ADAMTS9: variants seen among roughly 807,000 people sequenced by gnomAD.
The protein encoded by ADAMTS9 is A disintegrin and metalloproteinase with thrombospondin motifs 9.
ADAMTS9 carries 107 observed loss-of-function variants against 257.1 expected under a neutral mutation model. That is an observed-to-expected ratio of 0.42 (90% confidence interval 0.36 to 0.49). The LOEUF (loss-of-function observed/expected upper bound fraction) is 0.49. Ranked by LOEUF, ADAMTS9 falls within the 20% of genes least tolerant of loss-of-function variation. The probability of loss-of-function intolerance (pLI) is 0.03; values close to 1 mark genes in which losing one functional copy is unlikely to be tolerated. For missense variants in ADAMTS9, 2,353 were observed against 2,469.1 expected (o/e 0.95, Z 1.00); for synonymous variants, 982 against 880.9 (o/e 1.11, Z -2.03).
chr3:64,614,045 T>A (rs2084715448), intron 21 of ADAMTS9, among the ~76,000 whole-genome samples: 1 of 152,178 alleles, frequency 6.6e-6, no homozygotes, highest in African/African-American at 2.4e-5. Flanking sequence ...TAGAAAAACA[T>A]AAATGAAAAA....
intron 28 of ADAMTS9, among the ~76,000 whole-genome samples, chr3:64,580,776 C>G (rs1166918247): frequency 6.6e-6 from 1 of 152,108 alleles, no homozygotes; most frequent in African/African-American, 2.4e-5. Context: ...GGCTAAAAAC[C>G]CTTGGGAAAC....
chr3:64,605,827 G>A (rs2084547607), intron 23 of ADAMTS9, among the ~76,000 whole-genome samples: 1 of 152,070 alleles, frequency 6.6e-6, no homozygotes, highest in Non-Finnish European at 1.5e-5. Context: ...GTACATATAT[G>A]CTTATTTATT....
chr3:64,561,472 T>G, intron 30 of ADAMTS9, 106 bp downstream of exon 30: 1 of 1,291,478 alleles, frequency 7.7e-7, no homozygotes, highest in East Asian at 2.4e-5. Flanking sequence ...GCCAGCATTG[T>G]AACCGTGCTC....
chr3:64,635,088 T>G (rs747111891), intron 12 of ADAMTS9, among the ~76,000 whole-genome samples: 11 of 152,176 alleles, frequency 7.2e-5, no homozygotes, highest in Non-Finnish European at 1.0e-4. Context: ...ATGTCAACAC[T>G]GCCCAATCTA....
intron 23 of ADAMTS9, among the ~76,000 whole-genome samples, chr3:64,605,291 A>C (rs968581726): frequency 6.6e-6 from 1 of 152,210 alleles, no homozygotes; most frequent in African/African-American, 2.4e-5. Flanking sequence ...TGAATCTGAA[A>C]GGGAGCAGCC....
chr3:64,597,897 C>T (rs2084393132), intron 26 of ADAMTS9, among the ~76,000 whole-genome samples: 1 of 152,196 alleles, frequency 6.6e-6, no homozygotes, highest in Admixed American at 6.5e-5. Context: ...CAATGTATTT[C>T]TCACGATTTA....
chr3:64,654,828 TGGTCAGGGC>T (rs1701022291), intron 6 of ADAMTS9: 1 of 579,742 alleles, frequency 1.7e-6, no homozygotes, highest in Non-Finnish European at 3.1e-6. Context: ...TTTTCTTCTG[TGGTCAGGGC>T]GGTCACAGAG....
intron 11 of ADAMTS9, among the ~76,000 whole-genome samples, chr3:64,643,146 A>G (rs1185140543): frequency 1.3e-5 from 2 of 152,146 alleles, no homozygotes; most frequent in Non-Finnish European, 2.9e-5. Flanking sequence ...GGACCCATGA[A>G]ATGCGCACTG....
chr3:64,600,020 T>G (rs940769764), intron 26 of ADAMTS9, among the ~76,000 whole-genome samples: 1 of 151,820 alleles, frequency 6.6e-6, no homozygotes, highest in African/African-American at 2.4e-5. Flanking sequence ...CAGCTTTGTT[T>G]GTTTTTCTTT....
chr3:64,666,475 C>T (rs778677858), intron 3 of ADAMTS9, among the ~76,000 whole-genome samples: 3 of 152,198 alleles, frequency 2.0e-5, no homozygotes, highest in Non-Finnish European at 2.9e-5. Context: ...TCCACCCAAG[C>T]TTGACAGAGA....
In ADAMTS9 at chr3:64,654,611, G is replaced by A. The variant is rs766854741; in HGVS notation, c.1171C>T (p.Gln391Ter). The change falls in exon 7 of 40, where the codon CAG (glutamine) becomes TAG (stop). Residue 391 changes from glutamine to a stop codon, truncating the protein, a stop_gained and splice_region_variant. Transcript: ENST00000498707. LOFTEE classifies it high-confidence loss of function. ...TTGTCGTGAGCTCTGCAGATATCCT[G>A]TCTGAAAGCAAAGCAGACTTAGGCC... ...HHDTAVLLTR[Q>*]DICRAHDKCD... The A allele has an allele frequency of 1.2e-6, 2 of 1,614,018 alleles. No individual in the cohort carries two copies. The highest frequency in any genetic ancestry group is 1.3e-5 in the African/African-American group (1 of 74,916).
intron 28 of ADAMTS9, among the ~76,000 whole-genome samples, chr3:64,580,476 C>T (rs2083970632): frequency 6.6e-6 from 1 of 152,076 alleles, no homozygotes; most frequent in African/African-American, 2.4e-5. Context: ...ACTTTTTACC[C>T]AAATATGAGG....
chr3:64,610,477 G>C lies in ADAMTS9; in HGVS notation c.3354+2868C>G, dbSNP rs1426120032. 4.0e-5 allele frequency among the ~76,000 whole-genome samples: 6 copies of C among 149,240 alleles called. No homozygotes were observed. In the East Asian group the frequency reaches 9.9e-4, roughly 25 times the overall value. ...ATAGTTGAGAGAAATTCTGTGATGAGTTTTATTTTACTATTAACACAATTC... is the reference window on the plus strand; with the variant it reads ...ATAGTTGAGAGAAATTCTGTGATGACTTTTATTTTACTATTAACACAATTC... On this transcript the variant is annotated intron_variant, in intron 22 of 39. Coordinates refer to ENST00000498707, the MANE Select transcript of ADAMTS9 (RefSeq NM_182920.2).
In ADAMTS9 at chr3:64,633,512, C is replaced by T. The variant is rs1313225584; in HGVS notation, c.2135G>A (p.Gly712Asp). 4.3e-6 allele frequency: 7 copies of T among 1,613,924 alleles called. No individual in the cohort carries two copies. Among genetic ancestry groups the T allele is most frequent in the Non-Finnish European group, 5.1e-6 (6 of 1,179,994 alleles). ...RDRVIDGTPC[G>D]QDTNDICVQG... ...GACACAGATATCATTTGTGTCCTGG[C>T]CACAAGGAGTTCCATCTATCACTCT... Residue 712 changes from glycine to aspartate, a missense_variant, in exon 14 of 40, where the codon GGC becomes GAC. By Grantham distance (94) the Gly-to-Asp change is moderately conservative (BLOSUM62 -1). This residue lies in a region of ADAMTS9 where 360 missense variants were observed against 458.1 expected (regional missense o/e 0.79). Transcript: ENST00000498707.
intron 20 of ADAMTS9, 134 bp downstream of exon 20, chr3:64,615,826 T>C (rs985516589): frequency 1.9e-6 from 2 of 1,051,672 alleles, no homozygotes; most frequent in Non-Finnish European, 2.8e-6. Flanking sequence ...AAAGCTTGAA[T>C]GGGGTCAGGC....
intron 22 of ADAMTS9, among the ~76,000 whole-genome samples, chr3:64,613,138 A>T (rs191894600): frequency 1.8e-3 from 268 of 152,248 alleles, no homozygotes; most frequent in Non-Finnish European, 2.7e-3. Context: ...GTAAAAGGGT[A>T]ATCAGCTCCA....
chr3:64,639,496 C>T (rs905841990), intron 12 of ADAMTS9, among the ~76,000 whole-genome samples: 3 of 151,852 alleles, frequency 2.0e-5, no homozygotes, highest in African/African-American at 7.3e-5. Context: ...ATTCCAATTA[C>T]GGAGTGATTT....
chr3:64,667,671 T>C (rs922262979), intron 3 of ADAMTS9, among the ~76,000 whole-genome samples: 10 of 152,158 alleles, frequency 6.6e-5, no homozygotes, highest in African/African-American at 9.7e-5. Flanking sequence ...TCTGTGTCCT[T>C]TTCATTCTCC....
rs1050223663 is a variant in ADAMTS9 at position 64,550,931 on chromosome 3, T to G, written c.4830A>C (p.Gln1610His). 1 of 1,614,098 alleles carries G rather than the reference T, an allele frequency of 6.2e-7. No individual in the cohort carries two copies. Among genetic ancestry groups the G allele is most frequent in the Non-Finnish European group, 8.5e-7 (1 of 1,180,010 alleles). Residue 1610 changes from glutamine (Q) to histidine (H), a missense_variant, in exon 31 of 40, where the codon CAA (glutamine) becomes CAC (histidine). Transcript: ENST00000498707. ...RPVDRESCSL[Q>H]PCEYVWITGE... is the part of the protein sequence containing the mutation. ...CTGTGATCCAGACATACTCGCAGGG[T>G]TGCAAACTACAGCTTTCACGGTCCA...
Sources: allele counts gnomAD v4.1 joint callset (sites outside exome capture counted in the v4.1 genomes callset), GRCh38; gene constraint gnomAD v4.1.1; regional missense constraint gnomAD v4.1.1; transcripts MANE v1.5; gene names NCBI Gene and HGNC (gene_info 2026-07-23, HGNC 2026-07-21).